The following BICDL1 variants were observed in gnomAD, a reference collection of about 807,000 sequenced individuals.
BICDL1 encodes the protein BICD family-like cargo adapter 1.
BICDL1 carries 20 observed loss-of-function variants against 76.8 expected under a neutral mutation model. That is an observed-to-expected ratio of 0.26 (90% CI 0.18 to 0.38). The LOEUF is 0.38. BICDL1 is among the 10% of genes least tolerant of loss of function. The probability of loss-of-function intolerance (pLI) is 1.00; values close to 1 mark genes in which losing one functional copy is unlikely to be tolerated. For synonymous variants in BICDL1, 383 were observed against 337.1 expected (o/e 1.14, Z -1.49); for missense variants, 700 against 798.6 (o/e 0.88, Z 1.49).
rs139664443 is a variant in BICDL1 at position 120,069,762 on chromosome 12, A to G, written c.910-1860A>G. Among the ~76,000 whole-genome samples, 393 of 152,342 alleles carry G rather than the reference A, an allele frequency of 2.6e-3. 4 individuals carry two copies. The highest frequency in any genetic ancestry group is 7.5e-3 in the East Asian group (39 of 5,194). ...GGGGACAGCCCAATTAATTTTTACA[A>G]ATACATACCTGTGTAACCACCATGG... On this transcript the variant is annotated intron_variant, in intron 4 of 9. Transcript: ENST00000548673.
chr12:120,081,786 C>T (rs1252125355), intron 8 of BICDL1, among the ~76,000 whole-genome samples: 1 of 151,434 alleles, frequency 6.6e-6, no homozygotes, highest in Non-Finnish European at 1.5e-5. Context: ...CTCTCAGCCT[C>T]AATACTAATT....
intron 1 of BICDL1, among the ~76,000 whole-genome samples, chr12:119,995,001 C>G (rs1195749054): frequency 6.6e-6 from 1 of 152,178 alleles, no homozygotes; most frequent in Non-Finnish European, 1.5e-5. Flanking sequence ...ATACCTTTTT[C>G]TGTTCCAGGA....
intron 2 of BICDL1, among the ~76,000 whole-genome samples, chr12:120,040,438 T>A (rs957557593): frequency 6.6e-6 from 1 of 152,112 alleles, no homozygotes; most frequent in Admixed American, 6.5e-5. Flanking sequence ...TTTTTGTTTG[T>A]TTGTTTGAGA....
At chr12:120,015,202 CT>C (rs781324582) in intron 2 of BICDL1, among the ~76,000 whole-genome samples, 21 of 152,186 alleles carry the variant, frequency 1.4e-4, no homozygotes, top group Admixed American at 3.9e-4. Context: ...GAAACATCTC[CT>C]TGCCTTTAAG....
intron 2 of BICDL1, among the ~76,000 whole-genome samples, chr12:120,003,897 G>T (rs540203008): frequency 1.9e-4 from 29 of 152,186 alleles, no homozygotes; most frequent in Non-Finnish European, 3.4e-4. Flanking sequence ...CATTATTTGG[G>T]TTTAGGTATC....
intron 2 of BICDL1, among the ~76,000 whole-genome samples, chr12:120,048,319 A>G (rs755217623): frequency 6.6e-6 from 1 of 151,204 alleles, no homozygotes; most frequent in African/African-American, 2.4e-5. Flanking sequence ...AGATAATACA[A>G]CCTCCATATT....
intron 2 of BICDL1, among the ~76,000 whole-genome samples, chr12:120,051,919 T>C (rs1316093978): frequency 6.6e-6 from 1 of 151,984 alleles, no homozygotes; most frequent in Non-Finnish European, 1.5e-5. Flanking sequence ...TCTGCCAGTT[T>C]CTCAGTCTTT....
At chr12:120,089,356 C>T (rs1170753761) in intron 8 of BICDL1, among the ~76,000 whole-genome samples, 2 of 148,732 alleles carry the variant, frequency 1.3e-5, no homozygotes, top group East Asian at 2.0e-4. Context: ...GTGTGTGTGA[C>T]GGAGTTCTGC....
chr12:119,993,555 T>TC (rs1263153434), intron 1 of BICDL1: 4 of 152,200 alleles, frequency 2.6e-5, no homozygotes, highest in Non-Finnish European at 4.4e-5. Flanking sequence ...GGCCATTTTT[T>TC]CCGCTCTTGA....
At chr12:120,009,931 AAG>A (rs1317242659) in intron 2 of BICDL1, among the ~76,000 whole-genome samples, 1 of 152,244 alleles carries the variant, frequency 6.6e-6, no homozygotes, top group Admixed American at 6.5e-5. Flanking sequence ...TTAGAGCTAA[AAG>A]AGAACTTCTG....
At chr12:120,014,397 TAAA>T (rs1225719037) in intron 2 of BICDL1, among the ~76,000 whole-genome samples, 1 of 152,166 alleles carries the variant, frequency 6.6e-6, no homozygotes, top group Non-Finnish European at 1.5e-5. Context: ...GAGTTTGAAT[TAAA>T]AAACCATTCT....
intron 7 of BICDL1, among the ~76,000 whole-genome samples, chr12:120,080,411 C>T (rs1285187533): frequency 6.6e-6 from 1 of 152,174 alleles, no homozygotes; most frequent in African/African-American, 2.4e-5. Context: ...TGGGCTGTGC[C>T]AAGGGCTGTC....
At chr12:120,088,572 G>C (rs1443107831) in intron 8 of BICDL1, among the ~76,000 whole-genome samples, 1 of 151,802 alleles carries the variant, frequency 6.6e-6, no homozygotes, top group East Asian at 1.9e-4. Flanking sequence ...GGCCAGGCTG[G>C]TCTCGAACTC....
chr12:120,000,449 A>G (rs1023884743), intron 2 of BICDL1: 2 of 152,188 alleles, frequency 1.3e-5, no homozygotes, highest in Non-Finnish European at 2.9e-5. Context: ...GTTTTTGACT[A>G]TTTTCATTCA....
chr12:120,024,770 C>G (rs1229176264), intron 2 of BICDL1, among the ~76,000 whole-genome samples: 2 of 152,130 alleles, frequency 1.3e-5, no homozygotes, highest in Non-Finnish European at 2.9e-5. Context: ...TCACTGCAAC[C>G]TCTGCCTCCC....
chr12:120,052,564 GT>G (rs1952885537), intron 2 of BICDL1, among the ~76,000 whole-genome samples: 1 of 152,090 alleles, frequency 6.6e-6, no homozygotes, highest in South Asian at 2.1e-4. Flanking sequence ...GACATGTGAT[GT>G]TGACTGCTTG....
intron 2 of BICDL1, among the ~76,000 whole-genome samples, chr12:120,049,056 T>C (rs1227924278): frequency 6.6e-6 from 1 of 152,170 alleles, no homozygotes; most frequent in Non-Finnish European, 1.5e-5. Context: ...TTAAAAAGCT[T>C]CAAATGAGGT....
At chr12:120,024,315 C>T (rs73217382) in intron 2 of BICDL1, among the ~76,000 whole-genome samples, 15 of 151,944 alleles carry the variant, frequency 9.9e-5, no homozygotes, top group Admixed American at 3.9e-4. Flanking sequence ...AGACCTAAAT[C>T]GAACTTCTAG....
In BICDL1 at chr12:120,064,719, C is replaced by G; in HGVS notation, c.763-14C>G. The G allele has an allele frequency of 6.3e-7, 1 of 1,599,116 alleles. No individual in the cohort carries two copies. Among genetic ancestry groups the G allele is most frequent in the Non-Finnish European group, 8.5e-7 (1 of 1,173,420 alleles). On this transcript the variant is annotated splice_polypyrimidine_tract_variant and intron_variant, in intron 3 of 9. Coordinates refer to ENST00000548673, the MANE Select transcript of BICDL1 (RefSeq NM_001367886.1). ...GTAACTCCACACCACCCCTGTGGCT[C>G]TCCACCCTTTCAGATCAAGATGCTG...
Sources: allele counts gnomAD v4.1 joint callset (sites outside exome capture counted in the v4.1 genomes callset), GRCh38; gene constraint gnomAD v4.1.1; transcripts MANE v1.5; gene names NCBI Gene and HGNC (gene_info 2026-07-23, HGNC 2026-07-21).